The following NOX3 variants were observed in gnomAD, a reference collection of about 807,000 sequenced individuals.
NOX3 encodes NADPH oxidase 3, also known as NADPH oxidase catalytic subunit-like 3.
A neutral mutation model predicts 76.7 loss-of-function variants in NOX3; 74 were observed. That is an observed-to-expected ratio of 0.96 (90% CI 0.80 to 1.17). The LOEUF is 1.17. Among genes scored for constraint, NOX3 ranks in the 50% most tolerant of loss-of-function variants. The pLI is 0.00. For missense variants in NOX3, 695 were observed against 703.3 expected (o/e 0.99, Z 0.13); for synonymous variants, 263 against 261.1 (o/e 1.01, Z -0.07).
chr6:155,409,875 T>C (rs1776519051), intron 11 of NOX3, among the ~76,000 whole-genome samples: 1 of 152,154 alleles, frequency 6.6e-6, no homozygotes, highest in Non-Finnish European at 1.5e-5. Flanking sequence ...GGGGCAGGAT[T>C]GTGTTGTCGC....
chr6:155,418,381 G>A (rs1776646898), intron 10 of NOX3, among the ~76,000 whole-genome samples: 1 of 152,118 alleles, frequency 6.6e-6, no homozygotes, highest in Non-Finnish European at 1.5e-5. Flanking sequence ...ACCACCCTCA[G>A]CCTTCCCTCA....
intron 5 of NOX3, among the ~76,000 whole-genome samples, chr6:155,442,252 A>C (rs1191165802): frequency 6.6e-6 from 1 of 152,198 alleles, no homozygotes; most frequent in East Asian, 1.9e-4. Flanking sequence ...CAACAGAGTG[A>C]GACTCTGTCT....
In NOX3 at chr6:155,430,840, T is replaced by C. The variant is rs760135062; in HGVS notation, c.891+3A>G. 3.7e-6 allele frequency: 6 copies of C among 1,602,160 alleles called. No individual in the cohort carries two copies. Among genetic ancestry groups the C allele is most frequent in the South Asian group, 1.1e-5 (1 of 90,768 alleles). On this transcript the variant is annotated splice_donor_region_variant and intron_variant, in intron 8 of 13. Coordinates refer to ENST00000159060, the MANE Select transcript of NOX3 (RefSeq NM_015718.3). ...TTATTCAGACATAAAGCTACATGCA[T>C]ACCTTGGTAATGACAACTTCTTGTT...
At chr6:155,435,264 T>C (rs1460883854) in intron 7 of NOX3, among the ~76,000 whole-genome samples, 1 of 152,146 alleles carries the variant, frequency 6.6e-6, no homozygotes, top group East Asian at 1.9e-4. Context: ...CCCTGGTCTG[T>C]ATTCATGAGG....
intron 10 of NOX3, among the ~76,000 whole-genome samples, chr6:155,412,072 A>G (rs1379219169): frequency 1.3e-5 from 2 of 152,196 alleles, no homozygotes. Flanking sequence ...GTTTCAAATA[A>G]TTGCATCTAG....
intron 4 of NOX3, among the ~76,000 whole-genome samples, chr6:155,449,887 A>G (rs1309733915): frequency 1.3e-5 from 2 of 152,236 alleles, no homozygotes; most frequent in Non-Finnish European, 2.9e-5. Flanking sequence ...AAGTGAATCT[A>G]CCAGAAGAAG....
At chr6:155,413,566 G>T (rs190119438) in intron 10 of NOX3, among the ~76,000 whole-genome samples, 1 of 152,132 alleles carries the variant, frequency 6.6e-6, no homozygotes, top group African/African-American at 2.4e-5. Flanking sequence ...TATATTCGAG[G>T]TTGGTGATGA....
chr6:155,401,853 A>G (rs2114674315), intron 12 of NOX3, among the ~76,000 whole-genome samples: 1 of 152,166 alleles, frequency 6.6e-6, no homozygotes, highest in African/African-American at 2.4e-5. Flanking sequence ...CATCAAATTT[A>G]CACCTAAAAG....
chr6:155,443,170 C>G, intron 5 of NOX3, 103 bp downstream of exon 5: 3 of 1,202,402 alleles, frequency 2.5e-6, no homozygotes, highest in South Asian at 2.0e-5. Flanking sequence ...AATTCATTCT[C>G]CAGCTCTTTT....
chr6:155,428,983 G>C lies in NOX3; in HGVS notation c.956C>G (p.Pro319Arg). The C allele has an allele frequency of 6.2e-7, 1 of 1,612,906 alleles. No individual in the cohort carries two copies. Among genetic ancestry groups the C allele is most frequent in the South Asian group, 1.1e-5 (1 of 90,930 alleles). ...GCACTGCACCAAGATGTACTGCCCT[G>C]GCGCCATTTTAAAGCCACGCTTTTT... ...HMKKRGFKMA[P>R]GQYILVQCPA... Residue 319 changes from proline to arginine, a missense_variant, in exon 9 of 14, where the codon CCA (proline) becomes CGA (arginine). Transcript: ENST00000159060.
chr6:155,454,740 A>AT (rs764119618), intron 3 of NOX3, 71 bp downstream of exon 3: 105 of 888,928 alleles, frequency 1.2e-4, no homozygotes, highest in Admixed American at 2.7e-4. Flanking sequence ...AATAAAGTAC[A>AT]TTTTTTTTCA....
At chr6:155,397,144 T>C (rs1779150395) in intron 12 of NOX3, among the ~76,000 whole-genome samples, 182 bp from the exon 13 acceptor site, 1 of 152,108 alleles carries the variant, frequency 6.6e-6, no homozygotes, top group Non-Finnish European at 1.5e-5. Flanking sequence ...CTCTCCTAGG[T>C]TCCCAGCATC....
intron 10 of NOX3, among the ~76,000 whole-genome samples, chr6:155,418,647 C>A (rs1295510591): frequency 7.1e-6 from 1 of 140,554 alleles, no homozygotes; most frequent in African/African-American, 2.6e-5. Context: ...TTTAAGACAT[C>A]AGCTTCAAAT....
Position 155,422,795 on chromosome 6 carries a change from C to T in NOX3, c.1207G>A (p.Val403Met), listed in dbSNP as rs774801635. The T allele has an allele frequency of 6.2e-6, 10 of 1,614,234 alleles. No homozygotes were observed. Among genetic ancestry groups the T allele is most frequent in the African/African-American group, 1.3e-5 (1 of 75,064 alleles). The change falls in exon 10 of 14, where the codon GTG becomes ATG. Residue 403 changes from valine (V) to methionine (M), a missense_variant. Coordinates refer to ENST00000159060, the MANE Select transcript of NOX3 (RefSeq NM_015718.3). Reference protein sequence around the residue: ...LTDVFHYPVCVCVAAGIGVTP... With the variant: ...LTDVFHYPVCMCVAAGIGVTP... ...ACTCCGATCCCCGCGGCAACGCACA[C>T]ACACACTGGGTAGTGAAATACATCT...
chr6:155,421,842 G>A (rs1220890223), intron 10 of NOX3, among the ~76,000 whole-genome samples: 1 of 152,154 alleles, frequency 6.6e-6, no homozygotes, highest in Admixed American at 6.5e-5. Flanking sequence ...TCTAGAGTGG[G>A]ATGTTGCAGG....
intron 12 of NOX3, among the ~76,000 whole-genome samples, chr6:155,405,018 T>C (rs1776427650): frequency 6.6e-6 from 1 of 151,576 alleles, no homozygotes; most frequent in Non-Finnish European, 1.5e-5. Context: ...GAAAAAAATG[T>C]TAAAAAGGAG....
At chr6:155,420,549 T>G (rs1011551342) in intron 10 of NOX3, among the ~76,000 whole-genome samples, 1 of 152,188 alleles carries the variant, frequency 6.6e-6, no homozygotes, top group Non-Finnish European at 1.5e-5. Context: ...AGGATCTAGA[T>G]TCAAACTCTA....
rs9384324 is a variant in NOX3 at position 155,398,632 on chromosome 6, A to G, written c.1581-1670T>C. Among the ~76,000 whole-genome samples the G allele has an allele frequency of 2.4e-4, 37 of 152,362 alleles. No homozygotes were observed. The East Asian group carries it at 6.9e-3, about 29-fold the overall frequency. ...AATCATTCCCATGGCTAAATTTGAG[A>G]AAGTAATTTTTCAGAAAATATTTCC... On this transcript the variant is annotated intron_variant, in intron 12 of 13. Coordinates refer to ENST00000159060, the MANE Select transcript of NOX3 (RefSeq NM_015718.3).
At chr6:155,439,575 C>T (rs140106464) in intron 6 of NOX3, among the ~76,000 whole-genome samples, 10 of 152,196 alleles carry the variant, frequency 6.6e-5, no homozygotes, top group African/African-American at 2.4e-4. Flanking sequence ...TCCTAGTTGA[C>T]GGTTTTGGTT....
Sources: gnomAD v4.1 joint callset for allele counts (sites outside exome capture counted in the v4.1 genomes callset) on GRCh38, gnomAD v4.1.1 for gene constraint, MANE v1.5 for transcripts, NCBI Gene and HGNC (gene_info 2026-07-23, HGNC 2026-07-21) for gene names.